GAK: variants seen among roughly 807,000 people sequenced by gnomAD.
GAK encodes the protein cyclin G associated kinase, also known as cyclin-G-associated kinase.
A neutral mutation model predicts 143.9 loss-of-function variants in GAK; 79 were observed. The ratio of observed to expected loss-of-function variants is 0.55; its 90% CI spans 0.46 to 0.66. The LOEUF is 0.66. GAK is among the 30% of genes least tolerant of loss of function. The pLI, the probability that GAK is intolerant of heterozygous loss-of-function variation, is 0.00. For synonymous variants in GAK, 881 were observed against 765.5 expected (o/e 1.15, Z -2.49); for missense variants, 1,693 against 1,779.7 (o/e 0.95, Z 0.88).
intron 27 of GAK, 35 bp from the exon 28 acceptor site, chr4:849,809 A>T (rs1386667405): frequency 1.9e-6 from 3 of 1,583,478 alleles, no homozygotes; most frequent in Non-Finnish European, 2.6e-6. Context: ...GCCTCTTATA[A>T]GCATGCGGGG....
At chr4:923,948 G>A (rs1724287546) in intron 1 of GAK, among the ~76,000 whole-genome samples, 1 of 152,128 alleles carries the variant, frequency 6.6e-6, no homozygotes, top group Non-Finnish European at 1.5e-5. Flanking sequence ...ACTTTGGGAG[G>A]CCAAGGCCGG....
chr4:883,022 C>T (rs1715474689), intron 13 of GAK, among the ~76,000 whole-genome samples: 1 of 152,246 alleles, frequency 6.6e-6, no homozygotes, highest in South Asian at 2.1e-4. Flanking sequence ...GGCTTTGGGT[C>T]CCTTTGCATA....
chr4:870,988 G>C, intron 18 of GAK, 84 bp from the exon 19 acceptor site: 2 of 1,239,274 alleles, frequency 1.6e-6, no homozygotes, highest in Non-Finnish European at 2.3e-6. Flanking sequence ...AACGTGCATG[G>C]AAACAGGTGG....
chr4:897,831 C>T (rs2152881173), intron 6 of GAK: 3 of 494,702 alleles, frequency 6.1e-6, no homozygotes, highest in African/African-American at 2.0e-5. Context: ...TGCCTGTAAC[C>T]CCAGCTACTC....
chr4:902,512 G>A (rs1265646018), intron 5 of GAK, among the ~76,000 whole-genome samples: 1 of 143,804 alleles, frequency 7.0e-6, no homozygotes, highest in Non-Finnish European at 1.5e-5. Context: ...TCAGGTGGGA[G>A]ATCACCTGGG....
At chr4:862,647 G>C (rs1468070923) in intron 23 of GAK, among the ~76,000 whole-genome samples, 1 of 147,788 alleles carries the variant, frequency 6.8e-6, no homozygotes, top group African/African-American at 2.5e-5. Flanking sequence ...GACAAAGAGA[G>C]ACTCTGTCTC....
chr4:913,073 G>C (rs540272523), intron 2 of GAK, among the ~76,000 whole-genome samples: 1 of 152,182 alleles, frequency 6.6e-6, no homozygotes, highest in Non-Finnish European at 1.5e-5. Flanking sequence ...AAGGAAGAGC[G>C]GCAATGCTCT....
In GAK at chr4:913,588, G is replaced by T. The variant is rs370718849; in HGVS notation, c.207+19C>A. 2.9e-5 allele frequency: 47 copies of T among 1,594,726 alleles called. No individual in the cohort carries two copies. In the African/African-American group the frequency reaches 5.6e-4, roughly 19 times the overall value. ...TACATACGTCAGAAATCCAGAGAAG[G>T]CGTTAAATGGTTCATTACCTTTAAT... On this transcript the variant is annotated intron_variant, in intron 2 of 27. Transcript: ENST00000314167.
intron 5 of GAK, 90 bp from the exon 6 acceptor site, chr4:898,248 G>A (rs907747963): frequency 2.1e-5 from 31 of 1,482,920 alleles, no homozygotes; most frequent in Non-Finnish European, 2.8e-5. Flanking sequence ...CACAGCCAGG[G>A]CCCTTCGCAG....
Position 850,972 on chromosome 4 carries a change from C to T in GAK, c.3621G>A (p.Gln1207=). 1 of 1,614,018 alleles carries T rather than the reference C, an allele frequency of 6.2e-7. No individual in the cohort carries two copies. The highest frequency in any genetic ancestry group is 1.1e-5 in the South Asian group (1 of 91,074). The change falls in exon 26 of 28, where the codon CAG becomes CAA. Residue 1207 remains glutamine, a synonymous_variant. Coordinates refer to ENST00000314167, the MANE Select transcript of GAK (RefSeq NM_005255.4). The part of the protein sequence containing the change: ...GPKTIAEMRK[Q]DLAKDTDPLK... ...GTGGGTCCGTGTCTTTAGCCAGGTC[C>T]TGCTTCCTCATCTCTGCAATGGTCT...
At chr4:864,833 G>A (rs1226596225) in intron 23 of GAK, among the ~76,000 whole-genome samples, 1 of 152,256 alleles carries the variant, frequency 6.6e-6, no homozygotes, top group Non-Finnish European at 1.5e-5. Context: ...AGACGCAGAC[G>A]CCCTGCCGGG....
chr4:868,918 T>A, intron 19 of GAK: 1 of 538,168 alleles, frequency 1.9e-6, no homozygotes, highest in South Asian at 2.2e-5. Context: ...CACGCACACA[T>A]GAACACGCAC....
At chr4:855,348 A>G (rs77445435) in intron 24 of GAK, among the ~76,000 whole-genome samples, 1 of 152,068 alleles carries the variant, frequency 6.6e-6, no homozygotes, top group Non-Finnish European at 1.5e-5. Context: ...AAAAAAAAAA[A>G]GGTGATTGTA....
chr4:899,816 G>A (rs1336566832), intron 5 of GAK, among the ~76,000 whole-genome samples: 2 of 152,232 alleles, frequency 1.3e-5, no homozygotes, highest in Non-Finnish European at 1.5e-5. Context: ...GGCTGTCCAC[G>A]TGGTGCAGAC....
intron 1 of GAK, among the ~76,000 whole-genome samples, chr4:927,811 C>T (rs934417214): frequency 2.7e-5 from 3 of 111,702 alleles, no homozygotes; most frequent in African/African-American, 9.7e-5. Context: ...CCTGGGTGAG[C>T]GCAGGCCCCG....
chr4:890,631 A>G lies in GAK; in HGVS notation c.991-9T>C. On this transcript the variant is annotated splice_polypyrimidine_tract_variant and intron_variant, in intron 9 of 27. Coordinates refer to ENST00000314167, the MANE Select transcript of GAK (RefSeq NM_005255.4). ...CCATTCTGCTCCAGGAGCTGTGACA[A>G]TGAAAATGCAGAGGTCAGTTCTCTA... 1 of 1,605,570 alleles carries G rather than the reference A, an allele frequency of 6.2e-7. No homozygotes were observed. The highest frequency in any genetic ancestry group is 8.5e-7 in the Non-Finnish European group (1 of 1,176,854).
chr4:851,757 G>A lies in GAK; in HGVS notation c.3501C>T (p.Pro1167=), dbSNP rs147555555. The change falls in exon 25 of 28, where the codon CCC becomes CCT. Residue 1167 remains proline, a synonymous_variant. Transcript: ENST00000314167. ...AGAGAGTGGGGGACTCACCAAAGCT[G>A]GGTGCGCGGACCCCCCGCTCCTCCC... The part of the protein sequence containing the change: ...GAREERGVRA[P]SFAQKPKVSE... 37 of 1,613,126 alleles carry A rather than the reference G, an allele frequency of 2.3e-5. No individual in the cohort carries two copies. Among genetic ancestry groups the A allele is most frequent in the Admixed American group, 1.5e-4 (9 of 59,964 alleles).
rs13104240 is a variant in GAK, at chr4:926,070, C to G, written c.145+5973G>C. ...AATTCACCCCAAGGGGGTCCTCCCC[C>G]GACAGTGACCTCCCCAAACGTCTAA... On this transcript the variant is annotated intron_variant, in intron 1 of 27. Coordinates refer to ENST00000314167, the MANE Select transcript of GAK (RefSeq NM_005255.4). 2.0e-3 allele frequency among the ~76,000 whole-genome samples: 300 copies of G among 150,512 alleles called. 1 individual carries two copies. The highest frequency in any genetic ancestry group is 6.9e-3 in the African/African-American group (283 of 40,990).
At chr4:924,002 T>C (rs1294022706) in intron 1 of GAK, among the ~76,000 whole-genome samples, 3 of 151,484 alleles carry the variant, frequency 2.0e-5, no homozygotes, top group East Asian at 1.9e-4. Context: ...CTGACCAACA[T>C]AGTGACACCC....
Sources: gnomAD v4.1 joint callset for allele counts (sites outside exome capture counted in the v4.1 genomes callset) on GRCh38, gnomAD v4.1.1 for gene constraint, MANE v1.5 for transcripts, NCBI Gene and HGNC (gene_info 2026-07-23, HGNC 2026-07-21) for gene names.